The following C3 variants were observed in gnomAD, a reference collection of about 807,000 sequenced individuals.
The protein encoded by C3 is complement C3, also known as C3 and PZP-like alpha-2-macroglobulin domain-containing protein 1.
A neutral mutation model predicts 207.9 loss-of-function variants in C3; 97 were observed. That is an observed-to-expected ratio of 0.47 (90% CI 0.40 to 0.55). The LOEUF (loss-of-function observed/expected upper bound fraction) is 0.55, where lower values mean the gene tolerates loss of function less well. Among genes scored for constraint, C3 ranks in the 20% least tolerant of loss-of-function variants. The pLI is 0.00. For missense variants in C3, 1,684 were observed against 2,171.7 expected (o/e 0.78, Z 4.46); for synonymous variants, 848 against 857.6 (o/e 0.99, Z 0.20).
chr19:6,709,659 G>A (rs773683899), intron 14 of C3, 25 bp downstream of exon 14: 2 of 1,532,434 alleles, frequency 1.3e-6, no homozygotes, highest in Non-Finnish European at 1.8e-6. Context: ...CCTCTTCTCA[G>A]CAGCCTTGGG....
At chr19:6,688,372 G>C (rs1004744784) in intron 27 of C3, among the ~76,000 whole-genome samples, 3 of 152,212 alleles carry the variant, frequency 2.0e-5, no homozygotes, top group Non-Finnish European at 2.9e-5. Flanking sequence ...GACCTCAGGT[G>C]ATCTGCCGGC....
chr19:6,684,945 G>A (rs1173985765), intron 30 of C3, 43 bp downstream of exon 30: 1 of 1,612,300 alleles, frequency 6.2e-7, no homozygotes, highest in Non-Finnish European at 8.5e-7. Context: ...CTAGTGTAGG[G>A]GGAGACAGCC....
chr19:6,702,583 C>A lies in C3; in HGVS notation c.2246-4G>T. 6.3e-7 allele frequency: 1 copy of A among 1,599,076 alleles called. No homozygotes were observed. On this transcript the variant is annotated splice_polypyrimidine_tract_variant and splice_region_variant and intron_variant, in intron 17 of 40. Transcript: ENST00000245907. ...ATGATGTCCTCATCCAGGTTACCTG[C>A]AGGGGGTTTAGATCTGCATTTAGAA...
chr19:6,697,278 T>C lies in C3; in HGVS notation c.2796+66A>G, dbSNP rs1023509988. ...TCAGAGCCTGGATCTCCAACCTGAG[T>C]CAATAGTACGAAGACCAGGAGCCCT... On this transcript the variant is annotated intron_variant, in intron 21 of 40. Transcript: ENST00000245907. 8.3e-6 allele frequency: 10 copies of C among 1,207,284 alleles called. No homozygotes were observed. In the African/African-American group the frequency reaches 1.1e-4, roughly 13 times the overall value. The allele number at this position is 1,207,284 out of a possible 1,614,324, so 74.8% of individuals were successfully genotyped here.
intron 36 of C3, 68 bp from the exon 37 acceptor site, chr19:6,679,564 C>T (rs1917807862): frequency 3.9e-6 from 4 of 1,038,762 alleles, no homozygotes; most frequent in Non-Finnish European, 6.1e-6. Context: ...CCTGGGAGGC[C>T]CAGATCCCCA....
chr19:6,716,559 A>C (rs1377746385), intron 4 of C3: 1 of 152,194 alleles, frequency 6.6e-6, no homozygotes, highest in African/African-American at 2.4e-5. Context: ...ACACATCCTC[A>C]TGATAATTCT....
At chr19:6,680,065 G>A in intron 36 of C3, 93 bp downstream of exon 36, 1 of 792,674 alleles carries the variant, frequency 1.3e-6, no homozygotes, top group Non-Finnish European at 2.3e-6. Flanking sequence ...GGACTCCTTA[G>A]ACCTTCATTC....
rs985482536 is a variant in C3 at position 6,686,779 on chromosome 19, G to T, written c.3613C>A (p.Pro1205Thr). 2.5e-6 allele frequency: 4 copies of T among 1,613,988 alleles called. No individual in the cohort carries two copies. The African/African-American group carries it at 5.3e-5, about 22-fold the overall frequency. Residue 1205 changes from proline to threonine, a missense_variant, in exon 28 of 41, where the codon CCT becomes ACT. Transcript: ENST00000245907. ...GTGGTCAGAAATTTGTTAAGAAGAG[G>T]CCCCTTCAGCCTGCCCATCTGGGCC... ...ALAQMGRLKGPLLNKFLTTAK... is the reference protein window; with the variant it reads ...ALAQMGRLKGTLLNKFLTTAK...
rs1229630026 is a variant in C3, at chr19:6,684,760, G to A, written c.4029+15C>T. On this transcript the variant is annotated intron_variant, in intron 31 of 40. Coordinates refer to ENST00000245907, the MANE Select transcript of C3 (RefSeq NM_000064.4). ...AGGGGCATGGGCCAGGCAGGTGTGG[G>A]TTTCTGTTCCTTACCGACAAGGTGC... is the stretch of plus-strand genomic sequence containing the variant. 1.2e-6 allele frequency: 2 copies of A among 1,613,896 alleles called. No homozygotes were observed. Among genetic ancestry groups the A allele is most frequent in the Admixed American group, 1.7e-5 (1 of 60,004 alleles).
chr19:6,681,023 A>T (rs1379746899), intron 35 of C3, among the ~76,000 whole-genome samples: 1 of 151,840 alleles, frequency 6.6e-6, no homozygotes, highest in Non-Finnish European at 1.5e-5. Context: ...ACATATCAAG[A>T]CCCCCATCTC....
At chr19:6,698,622 T>C (rs1412753695) in intron 19 of C3, among the ~76,000 whole-genome samples, 1 of 151,868 alleles carries the variant, frequency 6.6e-6, no homozygotes, top group Non-Finnish European at 1.5e-5. Context: ...GGCAGGAGGA[T>C]TGCTTGAGCC....
In C3 at chr19:6,711,153, G is replaced by C. The variant is rs374386139; in HGVS notation, c.1313C>G (p.Thr438Ser). The change falls in exon 12 of 41, where the codon ACC becomes AGC. Residue 438 changes from threonine (T) to serine (S), a missense_variant. Thr to Ser is a moderately conservative substitution (Grantham distance 58, BLOSUM62 1). Transcript: ENST00000245907. ...GTAGGGCAGAGCCTGCATGGTCCTG[G>C]TAGCCTGCTCTGCCTCCGAGAGCTC... is the stretch of plus-strand genomic sequence containing the variant. Reference protein sequence around the residue: ...KQELSEAEQATRTMQALPYST... With the variant: ...KQELSEAEQASRTMQALPYST... 3 of 1,613,842 alleles carry C rather than the reference G, an allele frequency of 1.9e-6. No individual in the cohort carries two copies. The African/African-American group carries it at 4.0e-5, about 22-fold the overall frequency.
chr19:6,713,521 A>G lies in C3; in HGVS notation c.774-12T>C, dbSNP rs1390763426. ...TCCCGTAGAGGAACCTACGGGACAG[A>G]CAAGGAGGGCTTCAGGTCCATCCCT... is the stretch of plus-strand genomic sequence containing the variant. On this transcript the variant is annotated splice_polypyrimidine_tract_variant and intron_variant, in intron 7 of 40. Transcript: ENST00000245907. The G allele has an allele frequency of 1.3e-6, 2 of 1,596,764 alleles. No individual in the cohort carries two copies. The highest frequency in any genetic ancestry group is 1.7e-6 in the Non-Finnish European group (2 of 1,164,760).
chr19:6,682,222 C>T lies in C3; in HGVS notation c.4180G>A (p.Gly1394Arg), dbSNP rs200597513. ...ATAGACATAGTGGCATCCTGGTCTC[C>T]CCGGTACCTGGATAGTGCAGAAAGA... ...MILEICTRYR[G>R]DQDATMSILD... Residue 1394 changes from glycine (G) to arginine (R), a missense_variant, in exon 34 of 41, where the codon GGA (glycine) becomes AGA (arginine). Gly to Arg is a moderately radical substitution (Grantham distance 125). Transcript: ENST00000245907. 5.6e-6 allele frequency: 9 copies of T among 1,612,656 alleles called. No homozygotes were observed. In the African/African-American group the frequency reaches 1.1e-4, roughly 19 times the overall value.
chr19:6,690,840 A>G, intron 26 of C3, 113 bp from the exon 27 acceptor site: 1 of 790,932 alleles, frequency 1.3e-6, no homozygotes, highest in South Asian at 1.4e-5. Flanking sequence ...AGTCTCTTCT[A>G]GGTGTTACCC....
chr19:6,678,074 A>AG (rs958247533), intron 40 of C3, 51 bp from the exon 41 acceptor site: 7 of 1,613,732 alleles, frequency 4.3e-6, no homozygotes, highest in African/African-American at 1.3e-5. Flanking sequence ...GGCGTGGCGC[A>AG]GGGGCGTGAC....
At chr19:6,711,831 C>A (rs928990984) in intron 11 of C3, among the ~76,000 whole-genome samples, 1 of 152,198 alleles carries the variant, frequency 6.6e-6, no homozygotes, top group Admixed American at 6.5e-5. Context: ...ATGGGCCTGT[C>A]CCAAACACTA....
chr19:6,691,989 AACAC>A (rs57940862), intron 26 of C3, among the ~76,000 whole-genome samples: 10,559 of 136,696 alleles, frequency 0.077, 364 homozygotes, highest in South Asian at 0.13. Flanking sequence ...CTCCATCTCA[AACAC>A]ACACACACAC....
In C3 at chr19:6,709,840, C is replaced by T. The variant is rs772561264; in HGVS notation, c.1689G>A (p.Leu563=). The change falls in exon 14 of 41, where the codon CTG becomes CTA. Residue 563 remains leucine, a splice_region_variant and synonymous_variant. Coordinates refer to ENST00000245907, the MANE Select transcript of C3 (RefSeq NM_000064.4). ...VDVKDSCVGS[L]VVKSGQSEDR... Reference sequence around the variant, plus strand: ...CTTCTGACTGGCCGCTTTTTACCACCAGCTGTGGGGAGGGTGGAGACGCCG... The same window carrying T: ...CTTCTGACTGGCCGCTTTTTACCACTAGCTGTGGGGAGGGTGGAGACGCCG... 8 of 1,613,616 alleles carry T rather than the reference C, an allele frequency of 5.0e-6. No individual in the cohort carries two copies. The South Asian group carries it at 8.8e-5, about 18-fold the overall frequency.
Sources: gnomAD v4.1 joint callset for allele counts (sites outside exome capture counted in the v4.1 genomes callset) on GRCh38, gnomAD v4.1.1 for gene constraint, MANE v1.5 for transcripts, NCBI Gene and HGNC (gene_info 2026-07-23, HGNC 2026-07-21) for gene names.